CDH9: variants seen among roughly 807,000 people sequenced by gnomAD.
CDH9 encodes cadherin 9, also known as cadherin-9.
In CDH9, 28 loss-of-function variants were observed where a neutral mutation model predicts 70.9. The observed-to-expected ratio is 0.40, with a 90% CI of 0.29 to 0.54. The LOEUF is 0.54. Ranked by LOEUF, CDH9 falls within the 20% of genes least tolerant of loss-of-function variation. The pLI is 0.59. For missense variants in CDH9, 874 were observed against 984.4 expected (o/e 0.89, Z 1.50); for synonymous variants, 409 against 343.1 (o/e 1.19, Z -2.12).
intron 1 of CDH9, among the ~76,000 whole-genome samples, chr5:27,007,403 G>C (rs755709916): frequency 2.0e-5 from 3 of 151,918 alleles, no homozygotes; most frequent in Admixed American, 6.6e-5. Flanking sequence ...GAATTAAACA[G>C]CTATATAAGG....
chr5:27,026,077 T>C (rs1323941377), intron 1 of CDH9, among the ~76,000 whole-genome samples: 1 of 151,932 alleles, frequency 6.6e-6, no homozygotes, highest in East Asian at 1.9e-4. Flanking sequence ...AATTTATTAA[T>C]AGCAATATTT....
chr5:26,899,813 A>G (rs1740820522), intron 7 of CDH9, among the ~76,000 whole-genome samples: 1 of 152,112 alleles, frequency 6.6e-6, no homozygotes, highest in Admixed American at 6.6e-5. Context: ...GCACGTGTAT[A>G]TCTATGTAAC....
chr5:26,921,677 G>C (rs912701932), intron 2 of CDH9, among the ~76,000 whole-genome samples: 1 of 152,114 alleles, frequency 6.6e-6, no homozygotes, highest in African/African-American at 2.4e-5. Context: ...TGAGTGTACT[G>C]TCTCTCTAAA....
At chr5:26,969,034 A>G (rs1403720268) in intron 2 of CDH9, among the ~76,000 whole-genome samples, 7 of 152,132 alleles carry the variant, frequency 4.6e-5, no homozygotes, top group African/African-American at 1.4e-4. Context: ...TTTTCTTTTT[A>G]CTAAACAATT....
chr5:26,955,202 C>G (rs1158809652), intron 2 of CDH9, among the ~76,000 whole-genome samples: 1 of 152,034 alleles, frequency 6.6e-6, no homozygotes. Context: ...GTTTTATCTC[C>G]TCTTCTTTCA....
At chr5:27,010,200 T>C (rs2112114362) in intron 1 of CDH9, among the ~76,000 whole-genome samples, 1 of 152,228 alleles carries the variant, frequency 6.6e-6, no homozygotes. Flanking sequence ...ACTGAAACAT[T>C]ACACTCTTTG....
intron 1 of CDH9, among the ~76,000 whole-genome samples, chr5:27,025,519 GC>G (rs1743206244): frequency 6.6e-6 from 1 of 152,026 alleles, no homozygotes; most frequent in Non-Finnish European, 1.5e-5. Flanking sequence ...GGGAAGAGAA[GC>G]CGTAAAAGTA....
At chr5:26,968,325 G>A (rs530573236) in intron 2 of CDH9, among the ~76,000 whole-genome samples, 10 of 151,566 alleles carry the variant, frequency 6.6e-5, no homozygotes, top group Non-Finnish European at 1.5e-4. Flanking sequence ...TTGCTCTGTT[G>A]CCCAGGCTGG....
intron 2 of CDH9, among the ~76,000 whole-genome samples, chr5:26,983,069 G>A (rs1467178467): frequency 1.3e-5 from 2 of 152,104 alleles, no homozygotes; most frequent in African/African-American, 2.4e-5. Context: ...ATGTAAGATT[G>A]TGCACAGAAG....
intron 2 of CDH9, 86 bp from the exon 3 acceptor site, chr5:26,916,010 C>T (rs372552917): frequency 7.5e-6 from 6 of 794,848 alleles, no homozygotes; most frequent in East Asian, 2.5e-5. Flanking sequence ...AATTCGTCTC[C>T]ATATAACAGC....
intron 2 of CDH9, among the ~76,000 whole-genome samples, chr5:26,958,481 T>C (rs1280051154): frequency 6.6e-6 from 1 of 152,182 alleles, no homozygotes; most frequent in Non-Finnish European, 1.5e-5. Flanking sequence ...CAGGCACCTT[T>C]AAGGCACACA....
chr5:27,001,714 C>A (rs888211815), intron 1 of CDH9, among the ~76,000 whole-genome samples: 1 of 151,922 alleles, frequency 6.6e-6, no homozygotes. Flanking sequence ...GTGTCTAATA[C>A]CATTTTCCAT....
At chr5:26,984,101 A>G (rs1280068772) in intron 2 of CDH9, among the ~76,000 whole-genome samples, 2 of 152,136 alleles carry the variant, frequency 1.3e-5, no homozygotes, top group East Asian at 1.9e-4. Context: ...AGCTCAATCA[A>G]TGTTAAAATC....
chr5:26,977,489 A>G (rs928437628), intron 2 of CDH9, among the ~76,000 whole-genome samples: 2 of 129,098 alleles, frequency 1.5e-5, no homozygotes, highest in African/African-American at 4.6e-5. Context: ...GTGTGTGTAT[A>G]TATATATATA....
chr5:26,890,281 T>A (rs567656207), intron 8 of CDH9, 147 bp downstream of exon 8: 2 of 661,456 alleles, frequency 3.0e-6, no homozygotes, highest in African/African-American at 1.8e-5. Context: ...AAAAATAATT[T>A]AAAAATGTGT....
chr5:26,954,719 A>T (rs921511602), intron 2 of CDH9, among the ~76,000 whole-genome samples: 1 of 152,256 alleles, frequency 6.6e-6, no homozygotes, highest in Middle Eastern at 3.4e-3. Flanking sequence ...GAAAAAAAAC[A>T]AATTACCACC....
chr5:26,959,143 T>C (rs1249837574), intron 2 of CDH9, among the ~76,000 whole-genome samples: 1 of 152,060 alleles, frequency 6.6e-6, no homozygotes, highest in Non-Finnish European at 1.5e-5. Flanking sequence ...TATAAAGAAC[T>C]CTTAGAACTC....
intron 2 of CDH9, among the ~76,000 whole-genome samples, chr5:26,926,924 C>CG (rs1554037352): frequency 2.7e-5 from 4 of 147,668 alleles, no homozygotes; most frequent in African/African-American, 2.5e-5. Context: ...ACAGCCCCCC[C>CG]CCGCAAAAAA....
chr5:26,908,907 T>C (rs1158223523), intron 3 of CDH9, among the ~76,000 whole-genome samples: 1 of 152,172 alleles, frequency 6.6e-6, no homozygotes, highest in Admixed American at 6.5e-5. Flanking sequence ...AGAGTTGTAG[T>C]TTTTTTCAGA....
Sources: gnomAD v4.1 joint callset for allele counts (sites outside exome capture counted in the v4.1 genomes callset) on GRCh38, gnomAD v4.1.1 for gene constraint, MANE v1.5 for transcripts, NCBI Gene and HGNC (gene_info 2026-07-23, HGNC 2026-07-21) for gene names.